The following CSMD3 variants were observed in gnomAD, a reference collection of about 807,000 sequenced individuals.
The protein encoded by CSMD3 is CUB and Sushi multiple domains 3, also known as CUB and sushi domain-containing protein 3.
Under a neutral mutation model 435.2 loss-of-function variants are expected in CSMD3, and 177 were observed. The ratio of observed to expected loss-of-function variants is 0.41; its 90% CI spans 0.36 to 0.46. The LOEUF is 0.46. Among genes scored for constraint, CSMD3 ranks in the 20% least tolerant of loss-of-function variants. CSMD3 has a pLI of 0.34. For synonymous variants in CSMD3, 1,656 were observed against 1,520.5 expected, an observed-to-expected ratio of 1.09 and a Z score of -2.07; for missense variants, 4,265 against 4,504.6, an observed-to-expected ratio of 0.95 and a Z score of 1.52.
intron 4 of CSMD3, among the ~76,000 whole-genome samples, chr8:113,172,816 T>C (rs2092289492): frequency 6.6e-6 from 1 of 152,274 alleles, no homozygotes; most frequent in African/African-American, 2.4e-5. Context: ...AAGCATATGC[T>C]TACTAAGGAA....
chr8:112,427,399 A>T (rs1813178275), intron 32 of CSMD3, among the ~76,000 whole-genome samples: 1 of 151,776 alleles, frequency 6.6e-6, no homozygotes, highest in South Asian at 2.1e-4. Flanking sequence ...TTCTCACGAG[A>T]TCTGATGTTT....
At chr8:113,418,960 A>G (rs1046245771) in intron 1 of CSMD3, among the ~76,000 whole-genome samples, 5 of 152,216 alleles carry the variant, frequency 3.3e-5, no homozygotes, top group Non-Finnish European at 7.3e-5. Context: ...AGAGAATCAC[A>G]GTAGTACCAT....
At chr8:112,841,319 G>C (rs2080173183) in intron 11 of CSMD3, among the ~76,000 whole-genome samples, 1 of 151,526 alleles carries the variant, frequency 6.6e-6, no homozygotes, top group African/African-American at 2.4e-5. Flanking sequence ...AAGACATCAG[G>C]GCCATAAAAA....
At chr8:112,591,150 G>T (rs1714236618) in intron 22 of CSMD3, among the ~76,000 whole-genome samples, 1 of 151,988 alleles carries the variant, frequency 6.6e-6, no homozygotes, top group Admixed American at 6.6e-5. Flanking sequence ...CATTGTATAT[G>T]ATGACTTTTC....
In CSMD3 at chr8:112,350,475, A is replaced by C. The variant is rs76860358; in HGVS notation, c.6325+700T>G. Among the ~76,000 whole-genome samples the C allele has an allele frequency of 6.4e-3, 980 of 152,182 alleles. 7 individuals are homozygous for C. The highest frequency in any genetic ancestry group is 0.022 in the African/African-American group (908 of 41,532). On this transcript the variant is annotated intron_variant, in intron 40 of 70. Transcript: ENST00000297405. ...GTAGTTAATGATAAAATTTAACTCT[A>C]AATTATTTGATAACAAATTCATTTA...
intron 31 of CSMD3, among the ~76,000 whole-genome samples, chr8:112,488,152 C>G (rs1489384618): frequency 6.6e-6 from 1 of 152,108 alleles, no homozygotes; most frequent in Non-Finnish European, 1.5e-5. Flanking sequence ...CTCCCAGTGT[C>G]CAACTTAAGC....
At chr8:112,624,387 A>G (rs1834319615) in intron 22 of CSMD3, among the ~76,000 whole-genome samples, 1 of 152,116 alleles carries the variant, frequency 6.6e-6, no homozygotes, top group Admixed American at 6.6e-5. Context: ...AAACTATATA[A>G]TGTCCACTGA....
chr8:113,078,312 G>A (rs756327340), intron 5 of CSMD3, among the ~76,000 whole-genome samples: 12 of 152,112 alleles, frequency 7.9e-5, no homozygotes, highest in South Asian at 4.1e-4. Context: ...CTGAGATCCC[G>A]TTAAGACAAA....
At chr8:112,611,241 C>A (rs6469425) in intron 22 of CSMD3, among the ~76,000 whole-genome samples, 119,666 of 152,072 alleles carry the variant, frequency 0.79, 47,750 homozygotes, top group African/African-American at 0.91. Context: ...TAGGAGCAAG[C>A]CTCCCAATCC....
At chr8:112,712,951 G>A (rs1276610639) in intron 13 of CSMD3, among the ~76,000 whole-genome samples, 1 of 152,090 alleles carries the variant, frequency 6.6e-6, no homozygotes, top group African/African-American at 2.4e-5. Flanking sequence ...TAAGGGGCAG[G>A]GCCAAGATGG....
At chr8:113,357,522 TA>T (rs1249161637) in intron 1 of CSMD3, among the ~76,000 whole-genome samples, 2 of 152,210 alleles carry the variant, frequency 1.3e-5, no homozygotes, top group African/African-American at 4.8e-5. Context: ...GAAAGAAGTA[TA>T]AAATAATTTA....
At chr8:112,247,930 A>G (rs1814899926) in intron 63 of CSMD3, among the ~76,000 whole-genome samples, 1 of 152,144 alleles carries the variant, frequency 6.6e-6, no homozygotes, top group Non-Finnish European at 1.5e-5. Context: ...GTTACAATAT[A>G]TATCATTTGC....
intron 3 of CSMD3, among the ~76,000 whole-genome samples, chr8:113,227,663 C>G (rs916815503): frequency 1.3e-5 from 2 of 151,562 alleles, no homozygotes; most frequent in African/African-American, 4.8e-5. Flanking sequence ...GCAGTTCCTG[C>G]CTCTCTTGTG....
At chr8:113,202,371 T>A (rs1002322217) in intron 3 of CSMD3, among the ~76,000 whole-genome samples, 3 of 152,152 alleles carry the variant, frequency 2.0e-5, no homozygotes, top group Non-Finnish European at 4.4e-5. Flanking sequence ...CTGCTGCCAG[T>A]GACTGAAGAG....
intron 23 of CSMD3, among the ~76,000 whole-genome samples, chr8:112,583,510 A>G (rs1433892334): frequency 6.6e-6 from 1 of 151,964 alleles, no homozygotes; most frequent in Non-Finnish European, 1.5e-5. Context: ...ATATCTTTTT[A>G]TATTCCTTAA....
chr8:113,206,637 C>A (rs1237651477), intron 3 of CSMD3, among the ~76,000 whole-genome samples: 1 of 152,080 alleles, frequency 6.6e-6, no homozygotes, highest in East Asian at 1.9e-4. Flanking sequence ...CAGCCTTGTA[C>A]AATTACATAG....
At chr8:113,047,833 G>C (rs1223333582) in intron 5 of CSMD3, among the ~76,000 whole-genome samples, 1 of 152,134 alleles carries the variant, frequency 6.6e-6, no homozygotes, top group East Asian at 1.9e-4. Context: ...GGATAGGTCT[G>C]GGTGTGTGTC....
chr8:113,423,959 T>G (rs1446460510), intron 1 of CSMD3, among the ~76,000 whole-genome samples: 1 of 151,860 alleles, frequency 6.6e-6, no homozygotes, highest in Non-Finnish European at 1.5e-5. Context: ...TTTTGAGATT[T>G]AGTAATAGGA....
intron 1 of CSMD3, among the ~76,000 whole-genome samples, chr8:113,406,396 G>T (rs1427208623): frequency 6.6e-6 from 1 of 151,892 alleles, no homozygotes; most frequent in African/African-American, 2.4e-5. Flanking sequence ...GAATGTTAAT[G>T]AGATTAGTTA....
Sources: allele counts gnomAD v4.1 joint callset (sites outside exome capture counted in the v4.1 genomes callset), GRCh38; gene constraint gnomAD v4.1.1; transcripts MANE v1.5; gene names NCBI Gene and HGNC (gene_info 2026-07-23, HGNC 2026-07-21).